The following COL6A6 variants were observed in gnomAD, a reference collection of about 807,000 sequenced individuals.
COL6A6 encodes collagen type VI alpha 6 chain.
In COL6A6, 183 loss-of-function variants were observed where a neutral mutation model predicts 208.6. The observed-to-expected ratio is 0.88, with a 90% CI of 0.78 to 0.99. The LOEUF is 0.99. Among genes scored for constraint, COL6A6 ranks in the 50% least tolerant of loss-of-function variants. The probability of loss-of-function intolerance (pLI) is 0.00; values close to 1 mark genes in which losing one functional copy is unlikely to be tolerated. For missense variants in COL6A6, 2,816 were observed against 2,815.2 expected (o/e 1.00, Z -0.01); for synonymous variants, 973 against 1,011.8 (o/e 0.96, Z 0.73).
chr3:130,604,227 C>A (rs148438499), intron 20 of COL6A6, among the ~76,000 whole-genome samples: 4,616 of 152,272 alleles, frequency 0.03, 270 homozygotes, highest in African/African-American at 0.11. Context: ...GGCGTGGTGG[C>A]TCACGCCTGT....
chr3:130,547,665 TATG>T (rs1273001880), intron 1 of COL6A6, among the ~76,000 whole-genome samples: 3 of 152,272 alleles, frequency 2.0e-5, no homozygotes, highest in Admixed American at 6.5e-5. Context: ...CATGATCTGT[TATG>T]ATGTTTTGAT....
chr3:130,649,336 C>T lies in COL6A6; in HGVS notation c.5507C>T (p.Ser1836Phe), dbSNP rs761114471. 1.2e-6 allele frequency: 2 copies of T among 1,609,800 alleles called. No individual in the cohort carries two copies. Among genetic ancestry groups the T allele is most frequent in the Non-Finnish European group, 8.5e-7 (1 of 1,178,146 alleles). Reference sequence around the variant, plus strand: ...ATTGAAACTATTCCTTATGAGAGATCCTCTGCCAGCAGGGAGATTGGCAGA... The same window carrying T: ...ATTGAAACTATTCCTTATGAGAGATTCTCTGCCAGCAGGGAGATTGGCAGA... ...REIETIPYERSSASREIGRAM... is the reference protein window; with the variant it reads ...REIETIPYERFSASREIGRAM... The change falls in exon 33 of 37, where the codon TCC becomes TTC. Residue 1836 changes from serine (S) to phenylalanine (F), a missense_variant. Transcript: ENST00000358511.
chr3:130,612,550 G>A (rs114974733), intron 23 of COL6A6, among the ~76,000 whole-genome samples: 219 of 152,276 alleles, frequency 1.4e-3, no homozygotes, highest in African/African-American at 4.4e-3. Context: ...ACAAAACTGC[G>A]TTTAACACTA....
rs1289360089 is a variant in COL6A6, at chr3:130,649,273, T to G, written c.5444T>G (p.Phe1815Cys). The G allele has an allele frequency of 5.0e-6, 8 of 1,602,484 alleles. No homozygotes were observed. Among genetic ancestry groups the G allele is most frequent in the Non-Finnish European group, 6.8e-6 (8 of 1,174,682 alleles). The change falls in exon 33 of 37, where the codon TTC (phenylalanine) becomes TGC (cysteine). Residue 1815 changes from phenylalanine to cysteine, a missense_variant. By Grantham distance (205) the Phe-to-Cys change is radical. Coordinates refer to ENST00000358511, the MANE Select transcript of COL6A6 (RefSeq NM_001102608.3). ...TCCCACGCCAGGCACCTTGTGCGCT[T>G]CTCAGACGCCTACAAGAAGAGTCAA... The part of the protein sequence containing the change: ...YNSHARHLVR[F>C]SDAYKKSQLL...
intron 18 of COL6A6, among the ~76,000 whole-genome samples, chr3:130,596,986 G>T (rs554141375): frequency 6.6e-6 from 1 of 152,056 alleles, no homozygotes; most frequent in East Asian, 1.9e-4. Flanking sequence ...AGACTAAATC[G>T]GTTCAGATTC....
intron 1 of COL6A6, among the ~76,000 whole-genome samples, chr3:130,544,538 A>G (rs2062447199): frequency 6.6e-6 from 1 of 152,192 alleles, no homozygotes; most frequent in South Asian, 2.1e-4. Context: ...TCCTTTGGGT[A>G]TATACCCAGA....
intron 1 of COL6A6, among the ~76,000 whole-genome samples, chr3:130,544,258 C>T (rs1360194001): frequency 6.6e-6 from 1 of 152,142 alleles, no homozygotes; most frequent in African/African-American, 2.4e-5. Context: ...TAAGATCATG[C>T]AGTTTTTTTC....
chr3:130,652,639 G>T (rs139150624), intron 33 of COL6A6, among the ~76,000 whole-genome samples: 9 of 152,352 alleles, frequency 5.9e-5, no homozygotes, highest in Non-Finnish European at 1.2e-4. Flanking sequence ...AACTTGGTTA[G>T]AACCCAATGT....
At position 130,636,456 on chromosome 3, in the gene COL6A6, C is replaced by T. The variant is rs563344872; in HGVS notation, c.5091+695C>T. 2.6e-4 allele frequency among the ~76,000 whole-genome samples: 39 copies of T among 152,276 alleles called. 1 individual carries two copies. In the South Asian group the frequency reaches 4.8e-3, roughly 19 times the overall value. Reference sequence around the variant, plus strand: ...AATGCTGTTTTAGTTTTTTAAAAGACAGTCCTAAGATAATTGTCTCTTGAT... The same window carrying T: ...AATGCTGTTTTAGTTTTTTAAAAGATAGTCCTAAGATAATTGTCTCTTGAT... On this transcript the variant is annotated intron_variant, in intron 28 of 36. Transcript: ENST00000358511.
At chr3:130,584,185 A>G (rs2063484895) in intron 10 of COL6A6, among the ~76,000 whole-genome samples, 1 of 152,206 alleles carries the variant, frequency 6.6e-6, no homozygotes, top group Non-Finnish European at 1.5e-5. Context: ...ATGAGTCTGA[A>G]AGAAGATAGG....
intron 36 of COL6A6, among the ~76,000 whole-genome samples, chr3:130,666,478 TTATATACA>T (rs1421457396): frequency 1.3e-5 from 2 of 152,122 alleles, no homozygotes; most frequent in Admixed American, 1.3e-4. Flanking sequence ...TATGTGTACA[TTATATACA>T]TATATACATA....
chr3:130,675,055 G>A (rs1169081750), intron 36 of COL6A6, 147 bp from the exon 37 acceptor site: 2 of 529,134 alleles, frequency 3.8e-6, no homozygotes, highest in Non-Finnish European at 6.6e-6. Context: ...GCCAGTTTAA[G>A]TACCCAGTTT....
In COL6A6 at chr3:130,618,442, T is replaced by C. The variant is rs150393388; in HGVS notation, c.4816-3379T>C. Among the ~76,000 whole-genome samples the C allele has an allele frequency of 3.2e-3, 485 of 152,346 alleles. 3 individuals are homozygous for C. The highest frequency in any genetic ancestry group is 0.011 in the African/African-American group (452 of 41,580). On this transcript the variant is annotated intron_variant, in intron 23 of 36. Transcript: ENST00000358511. ...CATTACATCAAAGCCAAAGAAGATT[T>C]GATCTCTAGCTAATGCCCTTCCCCT... is the stretch of plus-strand genomic sequence containing the variant.
intron 13 of COL6A6, 90 bp from the exon 14 acceptor site, chr3:130,592,450 CT>C (rs1400288097): frequency 1.5e-5 from 15 of 984,666 alleles, no homozygotes; most frequent in Admixed American, 2.4e-5. Flanking sequence ...AGCATTCACA[CT>C]TTTTTTGGTA....
In COL6A6 at chr3:130,649,547, C is replaced by G; in HGVS notation, c.5718C>G (p.Val1906=). The change falls in exon 33 of 37, where the codon GTC becomes GTG. Residue 1906 remains valine (V), a synonymous_variant. Transcript: ENST00000358511. ...VVITFSNVPS[V]RRAFAIDDTG... Reference sequence around the variant, plus strand: ...TCACTTTCAGCAACGTGCCCTCGGTCAGGCGCGCATTTGCGGTATGAGGAT... The same window carrying G: ...TCACTTTCAGCAACGTGCCCTCGGTGAGGCGCGCATTTGCGGTATGAGGAT... 1 of 1,591,452 alleles carries G rather than the reference C, an allele frequency of 6.3e-7. No homozygotes were observed. Among genetic ancestry groups the G allele is most frequent in the Non-Finnish European group, 8.6e-7 (1 of 1,169,112 alleles).
rs769551458 is a variant in COL6A6, at chr3:130,586,660, G to A, written c.4125G>A (p.Leu1375=). 1.9e-6 allele frequency: 3 copies of A among 1,610,414 alleles called. No homozygotes were observed. Among genetic ancestry groups the A allele is most frequent in the African/African-American group, 1.3e-5 (1 of 74,864 alleles). The part of the protein sequence containing the change: ...RELGSRLSKQ[L]VNVAERTCCC... ...TTGGAAGCCGGCTGTCAAAGCAGCT[G>A]GTAAGTTATTCTGAAAAGGCTGGTG... Residue 1375 remains leucine, a splice_region_variant and synonymous_variant, in exon 11 of 37, where the codon CTG becomes CTA. Coordinates refer to ENST00000358511, the MANE Select transcript of COL6A6 (RefSeq NM_001102608.3).
chr3:130,543,788 A>G (rs944951281), intron 1 of COL6A6, among the ~76,000 whole-genome samples: 1 of 151,872 alleles, frequency 6.6e-6, no homozygotes. Context: ...GTTGTATTTT[A>G]TTTTCTGATG....
chr3:130,534,554 A>G (rs897644861), intron 1 of COL6A6, among the ~76,000 whole-genome samples: 2 of 152,170 alleles, frequency 1.3e-5, no homozygotes, highest in Admixed American at 1.3e-4. Context: ...GCATTTTGAC[A>G]TACTGCCTTT....
chr3:130,574,313 G>T lies in COL6A6; in HGVS notation c.3335G>T (p.Gly1112Val). 1 of 1,613,982 alleles carries T rather than the reference G, an allele frequency of 6.2e-7. No individual in the cohort carries two copies. The highest frequency in any genetic ancestry group is 8.5e-7 in the Non-Finnish European group (1 of 1,179,888). The change falls in exon 8 of 37, where the codon GGC (glycine) becomes GTC (valine). Residue 1112 changes from glycine (G) to valine (V), a missense_variant. Gly to Val is a moderately radical substitution (Grantham distance 109, BLOSUM62 -3). Coordinates refer to ENST00000358511, the MANE Select transcript of COL6A6 (RefSeq NM_001102608.3). ...CAGGTGCTGCTGGTCCTTACAGATG[G>T]CCAGTCCCAAGACGAGGTGGCCCAG... ...TPQVLLVLTD[G>V]QSQDEVAQAA...
Sources: allele counts gnomAD v4.1 joint callset (sites outside exome capture counted in the v4.1 genomes callset), GRCh38; gene constraint gnomAD v4.1.1; transcripts MANE v1.5; gene names NCBI Gene and HGNC (gene_info 2026-07-23, HGNC 2026-07-21).